The following BAALC variants were observed in gnomAD, a reference collection of about 807,000 sequenced individuals.
BAALC encodes the protein brain and acute leukemia cytoplasmic protein.
Under a neutral mutation model 15.5 loss-of-function variants are expected in BAALC, and 9 were observed. The ratio of observed to expected loss-of-function variants is 0.58; its 90% CI spans 0.35 to 1.02. BAALC has a LOEUF of 1.02. Among genes scored for constraint, BAALC ranks in the 50% least tolerant of loss-of-function variants. The pLI, the probability that BAALC is intolerant of heterozygous loss-of-function variation, is 0.02. For missense variants in BAALC, 201 were observed against 192.4 expected (o/e 1.04, Z -0.27); for synonymous variants, 80 against 74.6 (o/e 1.07, Z -0.37).
At chr8:103,171,030 C>G (rs1193240789) in intron 1 of BAALC, among the ~76,000 whole-genome samples, 1 of 152,026 alleles carries the variant, frequency 6.6e-6, no homozygotes, top group Non-Finnish European at 1.5e-5. Context: ...AAATGCCAAT[C>G]TGATTTATTT....
chr8:103,213,140 C>T, intron 2 of BAALC, 55 bp downstream of exon 2: 1 of 1,575,440 alleles, frequency 6.3e-7, no homozygotes, highest in South Asian at 1.2e-5. Context: ...GTAGGGCTTG[C>T]TTCAGGGCAG....
At chr8:103,210,298 C>A (rs1308748953) in intron 1 of BAALC, among the ~76,000 whole-genome samples, 3 of 152,230 alleles carry the variant, frequency 2.0e-5, no homozygotes, top group Admixed American at 1.3e-4. Flanking sequence ...CTGAGGCCTG[C>A]CAGTCAGGGA....
intron 1 of BAALC, among the ~76,000 whole-genome samples, chr8:103,148,541 A>G (rs1810920314): frequency 6.6e-6 from 1 of 152,212 alleles, no homozygotes; most frequent in Non-Finnish European, 1.5e-5. Context: ...ATCTAGTTAT[A>G]CTTTGTTATT....
At chr8:103,218,178 A>G (rs1391191025) in intron 2 of BAALC, among the ~76,000 whole-genome samples, 1 of 152,098 alleles carries the variant, frequency 6.6e-6, no homozygotes, top group Admixed American at 6.5e-5. Context: ...CAAACAAACC[A>G]TATCTTCCTT....
In BAALC at chr8:103,197,525, T is replaced by C. The variant is rs545498276; in HGVS notation, c.161-15394T>C. On this transcript the variant is annotated intron_variant, in intron 1 of 2. Transcript: ENST00000309982. ...CACAAACCCACAAATGTATATTTCA[T>C]TTCATTTCTACTTTCAACTTTTGTA... is the stretch of plus-strand genomic sequence containing the variant. 4.3e-4 allele frequency among the ~76,000 whole-genome samples: 66 copies of C among 152,344 alleles called. No individual in the cohort carries two copies. The South Asian group carries it at 0.013, about 31-fold the overall frequency.
intron 1 of BAALC, chr8:103,141,277 C>T: frequency 4.0e-6 from 2 of 499,988 alleles, no homozygotes; most frequent in Non-Finnish European, 6.7e-6. Context: ...GATGCCCCAG[C>T]TTCCAGCAGC....
intron 1 of BAALC, among the ~76,000 whole-genome samples, chr8:103,169,624 T>A (rs1400897693): frequency 6.6e-6 from 1 of 152,176 alleles, no homozygotes; most frequent in African/African-American, 2.4e-5. Flanking sequence ...AAGGGAGTGA[T>A]CAGATTCCAC....
intron 1 of BAALC, among the ~76,000 whole-genome samples, chr8:103,149,813 A>G (rs1376608492): frequency 1.3e-5 from 2 of 152,114 alleles, no homozygotes; most frequent in African/African-American, 4.8e-5. Context: ...AATTCAGGCA[A>G]ATTACATACC....
chr8:103,226,715 G>T (rs1812814122), intron 2 of BAALC, among the ~76,000 whole-genome samples: 1 of 152,080 alleles, frequency 6.6e-6, no homozygotes, highest in Non-Finnish European at 1.5e-5. Flanking sequence ...TTTGTCATTG[G>T]TTTATCCTTA....
At chr8:103,209,340 C>T (rs1586432843) in intron 1 of BAALC, among the ~76,000 whole-genome samples, 1 of 152,086 alleles carries the variant, frequency 6.6e-6, no homozygotes, top group East Asian at 1.9e-4. Context: ...CCACTGCACT[C>T]CACCCTGGGC....
At chr8:103,149,221 G>A (rs185621144) in intron 1 of BAALC, among the ~76,000 whole-genome samples, 2 of 152,070 alleles carry the variant, frequency 1.3e-5, no homozygotes, top group African/African-American at 2.4e-5. Flanking sequence ...ACCATTTAGC[G>A]TGGGAGCCTC....
At chr8:103,177,275 C>T (rs757453207) in intron 1 of BAALC, among the ~76,000 whole-genome samples, 25 of 151,544 alleles carry the variant, frequency 1.6e-4, no homozygotes, top group South Asian at 4.2e-4. Flanking sequence ...TAGCTTCACT[C>T]CTGGGCCCAA....
At chr8:103,208,793 C>T (rs1174358679) in intron 1 of BAALC, among the ~76,000 whole-genome samples, 3 of 152,160 alleles carry the variant, frequency 2.0e-5, no homozygotes, top group Non-Finnish European at 2.9e-5. Flanking sequence ...TGCGTAAGGC[C>T]TCTCCTTGCT....
chr8:103,164,714 T>C (rs1416496812), intron 1 of BAALC, among the ~76,000 whole-genome samples: 2 of 152,156 alleles, frequency 1.3e-5, no homozygotes, highest in Non-Finnish European at 1.5e-5. Flanking sequence ...CCTTCACCCT[T>C]ACTCATTGTA....
At chr8:103,173,599 C>T (rs772185135) in intron 1 of BAALC, among the ~76,000 whole-genome samples, 8 of 152,150 alleles carry the variant, frequency 5.3e-5, no homozygotes, top group Non-Finnish European at 5.9e-5. Context: ...GTCACATTTT[C>T]AGGCAAATTG....
chr8:103,195,186 G>A (rs1009198431), intron 1 of BAALC, among the ~76,000 whole-genome samples: 26 of 151,992 alleles, frequency 1.7e-4, no homozygotes, highest in African/African-American at 5.3e-4. Flanking sequence ...TCCCAGCAGC[G>A]AAGTAGCCAT....
chr8:103,196,202 G>A (rs563516516), intron 1 of BAALC, among the ~76,000 whole-genome samples: 9 of 152,270 alleles, frequency 5.9e-5, no homozygotes, highest in East Asian at 5.8e-4. Flanking sequence ...CATAGGGATC[G>A]GTATGTCTAT....
chr8:103,223,900 G>A (rs1812738059), intron 2 of BAALC, among the ~76,000 whole-genome samples: 2 of 152,126 alleles, frequency 1.3e-5, no homozygotes, highest in Admixed American at 6.5e-5. Flanking sequence ...AATTTGAGGG[G>A]AATGCTACAG....
At chr8:103,192,134 C>T (rs777548723) in intron 1 of BAALC, among the ~76,000 whole-genome samples, 88 of 152,280 alleles carry the variant, frequency 5.8e-4, no homozygotes, top group Admixed American at 1.2e-3. Context: ...TCACCACAAC[C>T]TCTGCCTCCC....
Sources: allele counts gnomAD v4.1 joint callset (sites outside exome capture counted in the v4.1 genomes callset), GRCh38; gene constraint gnomAD v4.1.1; transcripts MANE v1.5; gene names NCBI Gene and HGNC (gene_info 2026-07-23, HGNC 2026-07-21).